Variants in PARD3B observed in about 807,000 individuals in gnomAD.
The protein encoded by PARD3B is partitioning defective 3 homolog B.
In PARD3B, 103 loss-of-function variants were observed where a neutral mutation model predicts 130.2. The observed-to-expected ratio is 0.79, with a 90% CI of 0.67 to 0.93. The LOEUF (loss-of-function observed/expected upper bound fraction) is 0.93. Ranked by LOEUF, PARD3B falls within the 40% of genes least tolerant of loss-of-function variation. The pLI is 0.00. For synonymous variants in PARD3B, 583 were observed against 553.2 expected (o/e 1.05, Z -0.76); for missense variants, 1,609 against 1,499.2 (o/e 1.07, Z -1.21).
chr2:205,077,134 C>T (rs900766034), intron 4 of PARD3B, among the ~76,000 whole-genome samples: 1 of 152,020 alleles, frequency 6.6e-6, no homozygotes, highest in African/African-American at 2.4e-5. Flanking sequence ...ATATATATAT[C>T]TCTCTCAAGA....
rs191098008 is a variant in PARD3B, at chr2:205,520,149, G to A, written c.3180+20118G>A. Among the ~76,000 whole-genome samples the A allele has an allele frequency of 9.3e-4, 141 of 152,212 alleles. 1 individual carries two copies. The highest frequency in any genetic ancestry group is 3.4e-3 in the Middle Eastern group (1 of 294). ...GACCTTAGTAGTGATTGTGGCCAAG[G>A]GTCTTTTGTTTGTTTGTGTCCCGAA... On this transcript the variant is annotated intron_variant, in intron 21 of 22. Coordinates refer to ENST00000406610, the MANE Select transcript of PARD3B (RefSeq NM_001302769.2).
intron 18 of PARD3B, among the ~76,000 whole-genome samples, chr2:205,344,964 C>G (rs1034973149): frequency 3.3e-5 from 5 of 152,156 alleles, no homozygotes; most frequent in Non-Finnish European, 5.9e-5. Flanking sequence ...TTGATTTTCA[C>G]ATTCAAAAAG....
In PARD3B at chr2:205,575,267, C is replaced by G. The variant is rs369673130; in HGVS notation, c.3260+21864C>G. 3.3e-5 allele frequency among the ~76,000 whole-genome samples: 5 copies of G among 152,156 alleles called. No individual in the cohort carries two copies. In the East Asian group the frequency reaches 9.6e-4, roughly 29 times the overall value. ...ACACCAAATTTTAGAGGAAGGTACACAGATTTCTCATAAACCTGCCACCTC... is the reference window on the plus strand; with the variant it reads ...ACACCAAATTTTAGAGGAAGGTACAGAGATTTCTCATAAACCTGCCACCTC... On this transcript the variant is annotated intron_variant, in intron 22 of 22. Coordinates refer to ENST00000406610, the MANE Select transcript of PARD3B (RefSeq NM_001302769.2). The surrounding 1 kb of genome is among the most constrained non-coding windows in gnomAD (Gnocchi z 4.6).
rs777358669 is a variant in PARD3B, at chr2:205,366,274, G to A, written c.2631-34739G>A. On this transcript the variant is annotated intron_variant, in intron 18 of 22. Coordinates refer to ENST00000406610, the MANE Select transcript of PARD3B (RefSeq NM_001302769.2). This position sits in a 1 kb window ranked among gnomAD's most constrained non-coding sequence, Gnocchi z 5.0. ...AGCCCATAGCGCTTTGTTTGAAGGAGTTAGAATTTTAAATTTTTCCTGAAT... is the reference window on the plus strand; with the variant it reads ...AGCCCATAGCGCTTTGTTTGAAGGAATTAGAATTTTAAATTTTTCCTGAAT... Among the ~76,000 whole-genome samples, 4 of 152,184 alleles carry A rather than the reference G, an allele frequency of 2.6e-5. No homozygotes were observed. Among genetic ancestry groups the A allele is most frequent in the Non-Finnish European group, 5.9e-5 (4 of 68,036 alleles).
At chr2:204,692,304 G>A (rs2037390998) in intron 2 of PARD3B, among the ~76,000 whole-genome samples, 1 of 152,010 alleles carries the variant, frequency 6.6e-6, no homozygotes, top group Non-Finnish European at 1.5e-5. Flanking sequence ...AGGGCTAAAG[G>A]AAATTCCTTG....
At chr2:204,631,124 T>A (rs1353308511) in intron 1 of PARD3B, among the ~76,000 whole-genome samples, 1 of 152,186 alleles carries the variant, frequency 6.6e-6, no homozygotes, top group Non-Finnish European at 1.5e-5. Context: ...CTGCTTTAGC[T>A]GAATCCCGGA....
At chr2:205,037,602 T>C (rs540431832) in intron 3 of PARD3B, among the ~76,000 whole-genome samples, 1 of 148,266 alleles carries the variant, frequency 6.7e-6, no homozygotes, top group Non-Finnish European at 1.5e-5. Context: ...ACTATATATA[T>C]TTTATATATA....
chr2:205,114,617 T>C (rs1335423918), intron 6 of PARD3B, among the ~76,000 whole-genome samples: 3 of 152,098 alleles, frequency 2.0e-5, no homozygotes, highest in Non-Finnish European at 4.4e-5. Context: ...GGTTATATAG[T>C]ATTAATTTAG....
chr2:205,516,353 A>G (rs2050792563), intron 21 of PARD3B, among the ~76,000 whole-genome samples: 4 of 152,116 alleles, frequency 2.6e-5, no homozygotes, highest in Admixed American at 2.6e-4. Context: ...TTTGGCCAGT[A>G]TGGCCATTTT....
At position 204,678,317 on chromosome 2, in the gene PARD3B, A is replaced by G. The variant is rs563269679; in HGVS notation, c.121-7864A>G. On this transcript the variant is annotated intron_variant, in intron 1 of 22. Transcript: ENST00000406610. This position sits in a 1 kb window ranked among gnomAD's most constrained non-coding sequence, Gnocchi z 4.2. ...CCCCAGAGGTTGTGTATTACAAACA[A>G]TGCCCTTTTGGTTGTTGCCTTCAAC... 1.1e-4 allele frequency among the ~76,000 whole-genome samples: 17 copies of G among 152,276 alleles called. No homozygotes were observed. The East Asian group carries it at 2.5e-3, about 23-fold the overall frequency.
At chr2:204,655,203 T>A (rs2035602210) in intron 1 of PARD3B, among the ~76,000 whole-genome samples, 1 of 152,186 alleles carries the variant, frequency 6.6e-6, no homozygotes, top group East Asian at 1.9e-4. Flanking sequence ...AATAAGTATC[T>A]CTTTTTGGAA....
chr2:205,512,959 T>G (rs1480565728), intron 21 of PARD3B, among the ~76,000 whole-genome samples: 2 of 151,862 alleles, frequency 1.3e-5, no homozygotes, highest in Non-Finnish European at 2.9e-5. Flanking sequence ...ATTTTAAAGT[T>G]TTTATATCTA....
Position 205,263,684 on chromosome 2 carries a change from A to G in PARD3B, c.2185+17862A>G, listed in dbSNP as rs988249587. Reference sequence around the variant, plus strand: ...TTAAGCAGAACTTTTTAGAGCACTAAAACCAGGAAGTACAAAAAAATCAAC... The same window carrying G: ...TTAAGCAGAACTTTTTAGAGCACTAGAACCAGGAAGTACAAAAAAATCAAC... On this transcript the variant is annotated intron_variant, in intron 16 of 22. Coordinates refer to ENST00000406610, the MANE Select transcript of PARD3B (RefSeq NM_001302769.2). This position sits in a 1 kb window ranked among gnomAD's most constrained non-coding sequence, Gnocchi z 4.0. Among the ~76,000 whole-genome samples, 1 of 151,136 alleles carries G rather than the reference A, an allele frequency of 6.6e-6. No individual in the cohort carries two copies. The highest frequency in any genetic ancestry group is 2.4e-5 in the African/African-American group (1 of 41,112).
At chr2:205,345,325 C>A (rs1318975508) in intron 18 of PARD3B, among the ~76,000 whole-genome samples, 1 of 152,184 alleles carries the variant, frequency 6.6e-6, no homozygotes. Flanking sequence ...AGCAAGACCT[C>A]TTTGCTCAGA....
intron 18 of PARD3B, among the ~76,000 whole-genome samples, chr2:205,399,616 A>G (rs565263600): frequency 2.3e-4 from 35 of 152,188 alleles, no homozygotes; most frequent in African/African-American, 7.9e-4. Context: ...TGGCCTCCCA[A>G]AGTGCTGGGA....
At chr2:205,579,221 G>C (rs552496585) in intron 22 of PARD3B, among the ~76,000 whole-genome samples, 1 of 152,164 alleles carries the variant, frequency 6.6e-6, no homozygotes, top group East Asian at 1.9e-4. Context: ...ATGGTCGGGG[G>C]TGGAGGTGAG....
At chr2:205,339,010 C>T (rs1326143978) in intron 18 of PARD3B, among the ~76,000 whole-genome samples, 1 of 152,140 alleles carries the variant, frequency 6.6e-6, no homozygotes, top group Admixed American at 6.6e-5. Flanking sequence ...AGGCATATAT[C>T]TCTGGTAGCC....
At chr2:205,349,476 T>A (rs553444332) in intron 18 of PARD3B, among the ~76,000 whole-genome samples, 16 of 152,264 alleles carry the variant, frequency 1.1e-4, no homozygotes, top group Middle Eastern at 3.4e-3. Context: ...CATCAATAAT[T>A]TTTTTCAAAA....
In PARD3B at chr2:205,447,079, G is replaced by A. The variant is rs972029906; in HGVS notation, c.3044+6407G>A. On this transcript the variant is annotated intron_variant, in intron 20 of 22. Coordinates refer to ENST00000406610, the MANE Select transcript of PARD3B (RefSeq NM_001302769.2). ...TTAACCTCTAAAAATATGGGCATTTGTTTCTAACTGATATATACTAATTTA... is the reference window on the plus strand; with the variant it reads ...TTAACCTCTAAAAATATGGGCATTTATTTCTAACTGATATATACTAATTTA... Among the ~76,000 whole-genome samples, 3 of 152,308 alleles carry A rather than the reference G, an allele frequency of 2.0e-5. No individual in the cohort carries two copies. The East Asian group carries it at 5.8e-4, about 29-fold the overall frequency.
Sources: gnomAD v4.1 joint callset for allele counts (sites outside exome capture counted in the v4.1 genomes callset) on GRCh38, gnomAD v4.1.1 for gene constraint, Gnocchi (gnomAD v3.1) non-coding constraint, MANE v1.5 for transcripts, NCBI Gene and HGNC (gene_info 2026-07-23, HGNC 2026-07-21) for gene names.